The following PAK2 variants were observed in gnomAD, a reference collection of about 807,000 sequenced individuals.
PAK2 encodes p21 (RAC1) activated kinase 2, also known as serine/threonine-protein kinase PAK 2.
In PAK2, 21 loss-of-function variants were observed where a neutral mutation model predicts 65.9. The ratio of observed to expected loss-of-function variants is 0.32; its 90% CI spans 0.23 to 0.46. PAK2 has a LOEUF of 0.46. PAK2 is among the 20% of genes least tolerant of loss of function. PAK2 has a pLI of 1.00. For synonymous variants in PAK2, 204 were observed against 219.7 expected (o/e 0.93, Z 0.63); for missense variants, 324 against 642.6 (o/e 0.50, Z 5.36).
chr3:196,771,144 A>G (rs535815336), intron 1 of PAK2, among the ~76,000 whole-genome samples: 1 of 151,932 alleles, frequency 6.6e-6, no homozygotes, highest in Non-Finnish European at 1.5e-5. Flanking sequence ...GTTTCTGTTT[A>G]CCTCATTCTT....
At chr3:196,758,885 T>G (rs930848440) in intron 1 of PAK2, among the ~76,000 whole-genome samples, 3 of 152,180 alleles carry the variant, frequency 2.0e-5, no homozygotes, top group African/African-American at 7.2e-5. Context: ...CTTGAACTCC[T>G]GACCTCAAGT....
intron 2 of PAK2, among the ~76,000 whole-genome samples, chr3:196,799,544 A>G (rs761590376): frequency 1.3e-5 from 2 of 152,170 alleles, no homozygotes; most frequent in Admixed American, 6.5e-5. Context: ...CTTTCTTGCA[A>G]TGTGATGCCT....
At chr3:196,800,350 C>G (rs1232380865) in intron 2 of PAK2, among the ~76,000 whole-genome samples, 1 of 152,012 alleles carries the variant, frequency 6.6e-6, no homozygotes, top group Admixed American at 6.6e-5. Context: ...CCACTGCACT[C>G]CAGCCTGGGC....
intron 13 of PAK2, among the ~76,000 whole-genome samples, chr3:196,823,249 G>T (rs538934294): frequency 1.3e-5 from 2 of 152,226 alleles, no homozygotes; most frequent in South Asian, 4.1e-4. Flanking sequence ...TATTTTGAAA[G>T]AAGAGTCTAC....
At chr3:196,768,913 G>A (rs947979291) in intron 1 of PAK2, among the ~76,000 whole-genome samples, 2 of 151,808 alleles carry the variant, frequency 1.3e-5, no homozygotes, top group African/African-American at 4.8e-5. Flanking sequence ...GTGATCCACC[G>A]CGCCCAGCCC....
intron 9 of PAK2, 66 bp downstream of exon 9, chr3:196,812,333 G>A (rs1715855176): frequency 1.0e-6 from 1 of 957,064 alleles, no homozygotes; most frequent in Admixed American, 1.7e-5. Flanking sequence ...ACTAGATGAA[G>A]CTGGGAAGAA....
At position 196,751,691 on chromosome 3, in the gene PAK2, AT is replaced by A. The variant is rs774743389; in HGVS notation, c.-22+11535del. ...TTTATATACATATATATATATATATATATAATTCAGGCTATATATAAAAGGC... is the reference window on the plus strand; with the variant it reads ...TTTATATACATATATATATATATATAATAATTCAGGCTATATATAAAAGGC... On this transcript the variant is annotated intron_variant, in intron 1 of 14. Transcript: ENST00000327134. 2.3e-3 allele frequency among the ~76,000 whole-genome samples: 180 copies of A among 77,378 alleles called. 23 individuals carry two copies. Among genetic ancestry groups the A allele is most frequent in the Non-Finnish European group, 3.9e-3 (153 of 39,466 alleles). The allele number at this position is 77,378 out of a possible 152,430, so 50.8% of individuals were successfully genotyped here.
intron 1 of PAK2, among the ~76,000 whole-genome samples, chr3:196,758,605 G>A (rs1156566070): frequency 6.6e-6 from 1 of 152,222 alleles, no homozygotes; most frequent in African/African-American, 2.4e-5. Flanking sequence ...AGAACCATGA[G>A]AAGGTTTTAA....
At chr3:196,812,611 G>A in intron 9 of PAK2, 128 bp from the exon 10 acceptor site, 1 of 601,746 alleles carries the variant, frequency 1.7e-6, no homozygotes. Context: ...TGCAAGGCAA[G>A]GTGCCACCTG....
intron 1 of PAK2, among the ~76,000 whole-genome samples, chr3:196,766,910 A>G (rs1412789475): frequency 3.3e-5 from 5 of 150,428 alleles, no homozygotes; most frequent in Admixed American, 6.7e-5. Context: ...ATTTAAAAAA[A>G]AAATAGAAAC....
In PAK2 at chr3:196,804,807, A is replaced by ATATATGTGTGTGTG. The variant is rs1715530994; in HGVS notation, c.437-540_437-539insGTGTGTGTGTATAT. 4.8e-4 allele frequency among the ~76,000 whole-genome samples: 6 copies of ATATATGTGTGTGTG among 12,516 alleles called. No individual in the cohort carries two copies. The South Asian group carries it at 9.7e-3, about 20-fold the overall frequency. The allele number at this position is 12,516 out of a possible 152,430, so 8.2% of individuals were successfully genotyped here. ...TATGTGATATGTGTGTGTGTGTGTG[A>ATATATGTGTGTGTG]TATATATATATATATATACACATAT... On this transcript the variant is annotated intron_variant, in intron 4 of 14. Coordinates refer to ENST00000327134, the MANE Select transcript of PAK2 (RefSeq NM_002577.4).
chr3:196,798,014 A>AAGCC (rs1715310342), intron 2 of PAK2, among the ~76,000 whole-genome samples: 1 of 152,226 alleles, frequency 6.6e-6, no homozygotes, highest in Non-Finnish European at 1.5e-5. Context: ...AAAGATTTTA[A>AAGCC]ATCAATGACT....
rs976542782 is a variant in PAK2 at position 196,818,889 on chromosome 3, G to A, written c.1153+733G>A. 3.9e-5 allele frequency among the ~76,000 whole-genome samples: 6 copies of A among 152,032 alleles called. No individual in the cohort carries two copies. In the Middle Eastern group the frequency reaches 0.014, roughly 347 times the overall value. Reference sequence around the variant, plus strand: ...TACCTTTCTCATAGGGTTACCATGCGGATTAAATATTTTAATTCTTATAAG... The same window carrying A: ...TACCTTTCTCATAGGGTTACCATGCAGATTAAATATTTTAATTCTTATAAG... On this transcript the variant is annotated intron_variant, in intron 12 of 14. Transcript: ENST00000327134.
chr3:196,793,771 T>C (rs1715154340), intron 2 of PAK2, among the ~76,000 whole-genome samples: 1 of 152,156 alleles, frequency 6.6e-6, no homozygotes, highest in South Asian at 2.1e-4. Flanking sequence ...GTTCTTGGAA[T>C]ATCAACATTT....
At chr3:196,787,620 C>T (rs1265538362) in intron 2 of PAK2, among the ~76,000 whole-genome samples, 1 of 150,746 alleles carries the variant, frequency 6.6e-6, no homozygotes, top group Non-Finnish European at 1.5e-5. Flanking sequence ...CTTTGTAGGG[C>T]AAATAGGGGA....
rs550587633 is a variant in PAK2 at position 196,815,116 on chromosome 3, C to G, written c.1053+548C>G. Among the ~76,000 whole-genome samples the G allele has an allele frequency of 2.6e-4, 39 of 150,700 alleles. 1 individual carries two copies. The highest frequency in any genetic ancestry group is 4.3e-4 in the Non-Finnish European group (29 of 67,586). ...AATGGCGTGAACCTGGGAGGTGGAG[C>G]TTGCAGTGAGCCGAGATCACACCAC... On this transcript the variant is annotated intron_variant, in intron 11 of 14. Transcript: ENST00000327134.
At chr3:196,781,993 C>G (rs1418546196) in intron 1 of PAK2, among the ~76,000 whole-genome samples, 1 of 152,086 alleles carries the variant, frequency 6.6e-6, no homozygotes, top group Non-Finnish European at 1.5e-5. Context: ...GTAATTCCAC[C>G]TACTCAGGAG....
At position 196,806,635 on chromosome 3, in the gene PAK2, T is replaced by C; in HGVS notation, c.525T>C (p.Asp175=). 6.2e-7 allele frequency: 1 copy of C among 1,613,456 alleles called. No homozygotes were observed. Among genetic ancestry groups the C allele is most frequent in the Middle Eastern group, 1.7e-4 (1 of 6,060 alleles). The change falls in exon 6 of 15, where the codon GAT becomes GAC. Residue 175 remains aspartate, a synonymous_variant. Transcript: ENST00000327134. ...PAVVTEEEDD[D]EETAPPVIAP... ...TAGTGACAGAGGAGGAGGATGATGA[T>C]GAAGAGACTGCTCCTCCCGTTATTG...
intron 1 of PAK2, among the ~76,000 whole-genome samples, chr3:196,746,391 A>C (rs1372556280): frequency 6.6e-6 from 1 of 152,188 alleles, no homozygotes; most frequent in African/African-American, 2.4e-5. Context: ...AGGATATGTA[A>C]TAGTAAATTT....
Sources: gnomAD v4.1 joint callset for allele counts (sites outside exome capture counted in the v4.1 genomes callset) on GRCh38, gnomAD v4.1.1 for gene constraint, MANE v1.5 for transcripts, NCBI Gene and HGNC (gene_info 2026-07-23, HGNC 2026-07-21) for gene names.